KANSL1: variants seen among roughly 807,000 people sequenced by gnomAD.
The protein encoded by KANSL1 is MLL1/MLL complex subunit KANSL1.
Under a neutral mutation model 103.6 loss-of-function variants are expected in KANSL1, and 22 were observed. That is an observed-to-expected ratio of 0.21 (90% CI 0.15 to 0.30). The LOEUF (loss-of-function observed/expected upper bound fraction) is 0.30, where lower values mean the gene tolerates loss of function less well. Among genes scored for constraint, KANSL1 ranks in the 10% least tolerant of loss-of-function variants. The pLI is 1.00. For synonymous variants in KANSL1, 600 were observed against 527.6 expected (o/e 1.14, Z -1.88); for missense variants, 1,337 against 1,399.8 (o/e 0.96, Z 0.72).
intron 7 of KANSL1, chr17:46,045,101 C>T (rs1309769837): frequency 6.6e-6 from 1 of 151,258 alleles, no homozygotes; most frequent in Non-Finnish European, 1.5e-5. Context: ...AAATCTACCA[C>T]ACAAATGTTT....
intron 2 of KANSL1, among the ~76,000 whole-genome samples, chr17:46,135,621 T>A (rs559009271): frequency 7.3e-5 from 11 of 151,002 alleles, no homozygotes; most frequent in Admixed American, 1.3e-4. Context: ...CATGGCTCAT[T>A]TCAGCCTTGA....
chr17:46,104,472 G>A (rs1038986413), intron 2 of KANSL1, among the ~76,000 whole-genome samples: 3 of 152,126 alleles, frequency 2.0e-5, no homozygotes, highest in African/African-American at 7.2e-5. Context: ...TCCAAGTCAT[G>A]TCATATATAT....
At chr17:46,045,265 G>A (rs2077463300) in intron 7 of KANSL1, 1 of 152,114 alleles carries the variant, frequency 6.6e-6, no homozygotes, top group African/African-American at 2.4e-5. Flanking sequence ...CTGCACCCAT[G>A]GGAATCTTCT....
chr17:46,148,962 T>C, intron 2 of KANSL1, among the ~76,000 whole-genome samples: 1 of 150,942 alleles, frequency 6.6e-6, no homozygotes, highest in Admixed American at 6.6e-5. Context: ...GTTACCAAAT[T>C]CAAAAAATTA....
intron 1 of KANSL1, among the ~76,000 whole-genome samples, chr17:46,201,109 G>T (rs1015962403): frequency 6.6e-6 from 1 of 152,048 alleles, no homozygotes; most frequent in Non-Finnish European, 1.5e-5. Flanking sequence ...ACGGAGTTTC[G>T]CCATGTTGGT....
At chr17:46,038,871 A>G (rs1032127215) in intron 9 of KANSL1, 156 bp downstream of exon 9, 1 of 1,137,394 alleles carries the variant, frequency 8.8e-7, no homozygotes, top group South Asian at 1.5e-5. Flanking sequence ...GTAGCAGTTA[A>G]GAAGTGACCT....
intron 2 of KANSL1, among the ~76,000 whole-genome samples, chr17:46,146,970 G>A (rs949226258): frequency 3.9e-5 from 6 of 152,158 alleles, no homozygotes; most frequent in Non-Finnish European, 7.3e-5. Context: ...CTACACAGGA[G>A]GCTGAGGCAG....
At position 46,171,187 on chromosome 17, in the gene KANSL1, ATGT is replaced by A. The variant is rs754923732; in HGVS notation, c.954_956del (p.Gln318del). The A allele has an allele frequency of 1.2e-6, 2 of 1,614,090 alleles. No individual in the cohort carries two copies. The highest frequency in any genetic ancestry group is 1.3e-5 in the African/African-American group (1 of 74,994). ...TCTTCTCCAAAAATCCACCCAGCTG[ATGT>A]TGTATATGCCTCTCAACCTGCTTGG... On this transcript the variant is annotated inframe_deletion, in exon 2 of 15. Coordinates refer to ENST00000432791, the MANE Select transcript of KANSL1 (RefSeq NM_015443.4).
At chr17:46,217,391 A>C (rs2048373824) in intron 1 of KANSL1, among the ~76,000 whole-genome samples, 1 of 151,952 alleles carries the variant, frequency 6.6e-6, no homozygotes, top group East Asian at 1.9e-4. Flanking sequence ...CAGAAGAATC[A>C]CTTGAACCTA....
intron 2 of KANSL1, among the ~76,000 whole-genome samples, chr17:46,160,744 T>C (rs2045691446): frequency 6.6e-6 from 1 of 152,128 alleles, no homozygotes. Context: ...AATAGTCTTC[T>C]GAATATAAAC....
chr17:46,206,083 C>CA (rs71226716), intron 1 of KANSL1, among the ~76,000 whole-genome samples: 11,717 of 88,352 alleles, frequency 0.13, 485 homozygotes, highest in Non-Finnish European at 0.16. Context: ...CTGTGTCCCC[C>CA]AAAAAAAAAA....
chr17:46,170,415 T>C (rs1043753244), intron 2 of KANSL1: 2 of 180,104 alleles, frequency 1.1e-5, no homozygotes, highest in African/African-American at 4.8e-5. Flanking sequence ...TGCTGAAAGT[T>C]CAATCAAAAG....
chr17:46,212,182 A>G (rs1597979214), intron 1 of KANSL1, among the ~76,000 whole-genome samples: 1 of 151,924 alleles, frequency 6.6e-6, no homozygotes, highest in East Asian at 1.9e-4. Flanking sequence ...TGCACCCTGA[A>G]TTTTTCATTT....
At chr17:46,033,028 C>G (rs2077052540) in intron 13 of KANSL1, 52 bp downstream of exon 13, 1 of 1,421,446 alleles carries the variant, frequency 7.0e-7, no homozygotes, top group Admixed American at 2.2e-5. Context: ...GGCCCAAACT[C>G]CCTGTCCACC....
In KANSL1 at chr17:46,139,819, T is replaced by A. The variant is rs542788010; in HGVS notation, c.1289+31036A>T. On this transcript the variant is annotated intron_variant, in intron 2 of 14. Coordinates refer to ENST00000432791, the MANE Select transcript of KANSL1 (RefSeq NM_015443.4). ...AACTGAAAGCATTCTCAGAATATAC[T>A]GTCCTTAAAAAAAGAGGAAGGAATG... Among the ~76,000 whole-genome samples, 139 of 151,972 alleles carry A rather than the reference T, an allele frequency of 9.1e-4. No homozygotes were observed. The Middle Eastern group carries it at 0.024, about 26-fold the overall frequency.
intron 6 of KANSL1, among the ~76,000 whole-genome samples, chr17:46,058,620 G>A (rs924669066): frequency 4.6e-5 from 7 of 151,936 alleles, no homozygotes; most frequent in Non-Finnish European, 1.0e-4. Flanking sequence ...TAAGGTATCA[G>A]ATAAATGAAG....
At chr17:46,149,578 A>C (rs535617448) in intron 2 of KANSL1, among the ~76,000 whole-genome samples, 1 of 152,284 alleles carries the variant, frequency 6.6e-6, no homozygotes. Context: ...CTGTGTTCCA[A>C]TAAAACTTTA....
intron 2 of KANSL1, among the ~76,000 whole-genome samples, chr17:46,096,311 C>CTTTTTTTTTTTTTTTTTTTTTTTTTTGTT (rs71138525): frequency 1.3e-5 from 1 of 76,408 alleles, no homozygotes; most frequent in East Asian, 4.8e-4. Flanking sequence ...GCTTTTTTTT[C>CTTTTTTTTTTTTTTTTTTTTTTTTTTGTT]TTTTTTTTTT....
intron 2 of KANSL1, among the ~76,000 whole-genome samples, chr17:46,135,542 A>ATTTTTTTTTTTTT (rs34258265): frequency 3.4e-5 from 4 of 119,076 alleles, no homozygotes; most frequent in Admixed American, 8.3e-5. Flanking sequence ...TCAACTATAC[A>ATTTTTTTTTTTTT]TTTTTTTTTT....
Sources: gnomAD v4.1 joint callset for allele counts (sites outside exome capture counted in the v4.1 genomes callset) on GRCh38, gnomAD v4.1.1 for gene constraint, MANE v1.5 for transcripts, NCBI Gene and HGNC (gene_info 2026-07-23, HGNC 2026-07-21) for gene names.